Variants in CDK6 observed in about 807,000 individuals in gnomAD.
CDK6 encodes the protein cyclin dependent kinase 6.
Under a neutral mutation model 37.1 loss-of-function variants are expected in CDK6, and 6 were observed. The observed-to-expected ratio is 0.16, with a 90% CI of 0.09 to 0.32. CDK6 has a LOEUF of 0.32. CDK6 is among the 10% of genes least tolerant of loss of function. The probability of loss-of-function intolerance (pLI) is 1.00; values close to 1 mark genes in which losing one functional copy is unlikely to be tolerated. For missense variants in CDK6, 224 were observed against 418.9 expected (o/e 0.53, Z 4.06); for synonymous variants, 160 against 161.3 (o/e 0.99, Z 0.06).
At chr7:92,725,168 T>C in intron 4 of CDK6, 10 of 985,420 alleles carry the variant, frequency 1.0e-5, no homozygotes, top group Non-Finnish European at 1.2e-5. Context: ...TGATTTCTTC[T>C]TTACAGCTGG....
At chr7:92,658,760 A>T (rs1487513305) in intron 5 of CDK6, among the ~76,000 whole-genome samples, 2 of 152,116 alleles carry the variant, frequency 1.3e-5, no homozygotes, top group South Asian at 2.1e-4. Context: ...TTTCGTTTAA[A>T]TTTTTTTAAA....
Position 92,835,816 on chromosome 7 carries a change from C to T in CDK6, c.-368+662G>A, listed in dbSNP as rs899971723. ...GGGACCAGGGCTGCTCACTGCGGGG[C>T]GTGTGTTTAACTCCAATATTTTAAA... On this transcript the variant is annotated intron_variant, in intron 1 of 7. Coordinates refer to ENST00000424848, the MANE Select transcript of CDK6 (RefSeq NM_001145306.2). This position sits in a 1 kb window ranked among gnomAD's most constrained non-coding sequence, Gnocchi z 4.2. 6.6e-6 allele frequency among the ~76,000 whole-genome samples: 1 copy of T among 152,216 alleles called. No individual in the cohort carries two copies. The highest frequency in any genetic ancestry group is 2.4e-5 in the African/African-American group (1 of 41,458).
intron 3 of CDK6, among the ~76,000 whole-genome samples, chr7:92,739,083 C>G (rs1025898401): frequency 6.6e-6 from 1 of 152,218 alleles, no homozygotes; most frequent in African/African-American, 2.4e-5. Flanking sequence ...GCTTTCGGTA[C>G]TGCCTTCTCT....
intron 4 of CDK6, among the ~76,000 whole-genome samples, chr7:92,693,737 A>G (rs1370804534): frequency 6.6e-6 from 1 of 152,212 alleles, no homozygotes; most frequent in Non-Finnish European, 1.5e-5. Flanking sequence ...CTCTGTGAAT[A>G]GCTTTGGTCA....
At chr7:92,729,136 G>A (rs1183429523) in intron 3 of CDK6, among the ~76,000 whole-genome samples, 1 of 152,158 alleles carries the variant, frequency 6.6e-6, no homozygotes, top group African/African-American at 2.4e-5. Context: ...CTTTCCTACA[G>A]AATCACAAGA....
chr7:92,777,243 T>C (rs1387656312), intron 2 of CDK6, among the ~76,000 whole-genome samples: 1 of 152,166 alleles, frequency 6.6e-6, no homozygotes, highest in Non-Finnish European at 1.5e-5. Context: ...TGTTTTTTTT[T>C]CCTTTTTGTG....
intron 4 of CDK6, among the ~76,000 whole-genome samples, chr7:92,714,389 T>C (rs1023030180): frequency 6.6e-6 from 1 of 151,900 alleles, no homozygotes; most frequent in Non-Finnish European, 1.5e-5. Flanking sequence ...TGGAGATGGG[T>C]TTGGTGTGGG....
intron 4 of CDK6, among the ~76,000 whole-genome samples, chr7:92,711,108 G>C (rs1210938267): frequency 1.3e-5 from 2 of 152,152 alleles, no homozygotes; most frequent in Non-Finnish European, 2.9e-5. Context: ...TGTCCTGGTA[G>C]TACCATTTCT....
Position 92,605,443 on chromosome 7 carries a change from C to G in CDK6, c.*9697G>C, listed in dbSNP as rs531807658. 4.3e-6 allele frequency: 1 copy of G among 233,152 alleles called. No individual in the cohort carries two copies. Among genetic ancestry groups the G allele is most frequent in the African/African-American group, 2.2e-5 (1 of 45,474 alleles). 14.4% of individuals were successfully genotyped at this position (233,152 alleles called of 1,614,324 possible). On this transcript the variant is annotated 3_prime_UTR_variant, in exon 8 of 8. Coordinates refer to ENST00000424848, the MANE Select transcript of CDK6 (RefSeq NM_001145306.2). ...CACAAAGCATCCCTTACTTGAGCTA[C>G]TTTTAAAACCAGATTTTTAATGATA...
Position 92,608,730 on chromosome 7 carries a change from C to T in CDK6, c.*6410G>A, listed in dbSNP as rs921422660. ...GGGACATTTTTCTTCCTAAGATTTG[C>T]AGAACAGATGCCTCTGAGACAGCAG... On this transcript the variant is annotated 3_prime_UTR_variant, in exon 8 of 8. Coordinates refer to ENST00000424848, the MANE Select transcript of CDK6 (RefSeq NM_001145306.2). 4 of 230,352 alleles carry T rather than the reference C, an allele frequency of 1.7e-5. No homozygotes were observed. The highest frequency in any genetic ancestry group is 3.4e-5 in the Non-Finnish European group (4 of 116,304). The allele number at this position is 230,352 out of a possible 1,614,324, so 14.3% of individuals were successfully genotyped here.
Position 92,810,937 on chromosome 7 carries a change from G to A in CDK6, c.233+22154C>T, listed in dbSNP as rs112458106. Among the ~76,000 whole-genome samples, 242 of 152,110 alleles carry A rather than the reference G, an allele frequency of 1.6e-3. 2 individuals are homozygous for A. Among genetic ancestry groups the A allele is most frequent in the African/African-American group, 5.5e-3 (230 of 41,484 alleles). ...AACAATTAGCTGGGCATGGTGGTGCGTGCCTGTAGTCCCAGCTACTCAGGA... is the reference window on the plus strand; with the variant it reads ...AACAATTAGCTGGGCATGGTGGTGCATGCCTGTAGTCCCAGCTACTCAGGA... On this transcript the variant is annotated intron_variant, in intron 2 of 7. Coordinates refer to ENST00000424848, the MANE Select transcript of CDK6 (RefSeq NM_001145306.2).
chr7:92,687,474 GCAAAT>G (rs1258836287), intron 4 of CDK6, among the ~76,000 whole-genome samples: 2 of 152,134 alleles, frequency 1.3e-5, no homozygotes, highest in Non-Finnish European at 2.9e-5. Context: ...GTCCAAAGCA[GCAAAT>G]CAAAACAAGG....
At chr7:92,778,466 C>T (rs532034873) in intron 2 of CDK6, among the ~76,000 whole-genome samples, 2 of 152,260 alleles carry the variant, frequency 1.3e-5, no homozygotes, top group East Asian at 3.9e-4. Context: ...AAGTCTCACA[C>T]TCTAAAAATA....
rs1289362418 is a variant in CDK6 at position 92,606,077 on chromosome 7, A to AT, written c.*9062dup. On this transcript the variant is annotated 3_prime_UTR_variant, in exon 8 of 8. Transcript: ENST00000424848. ...GCACCTTTAAGGAACATGCACCCTT[A>AT]TAAGTCTGTACCCTGATATGAAAAT... 4.3e-6 allele frequency: 1 copy of AT among 233,566 alleles called. No homozygotes were observed. Among genetic ancestry groups the AT allele is most frequent in the African/African-American group, 2.2e-5 (1 of 45,350 alleles). The allele number at this position is 233,566 out of a possible 1,614,324, so 14.5% of individuals were successfully genotyped here.
intron 6 of CDK6, 87 bp downstream of exon 6, chr7:92,622,949 T>A (rs1160634377): frequency 2.5e-6 from 2 of 799,100 alleles, no homozygotes; most frequent in African/African-American, 3.5e-5. Context: ...AGACAAGAGA[T>A]AAACACATGA....
chr7:92,648,203 AGCTACT>A (rs1796494317), intron 5 of CDK6, among the ~76,000 whole-genome samples: 1 of 152,258 alleles, frequency 6.6e-6, no homozygotes, highest in East Asian at 1.9e-4. Context: ...CTGATACTGT[AGCTACT>A]GCTATTGCTG....
chr7:92,753,212 C>G (rs1201627289), intron 3 of CDK6, among the ~76,000 whole-genome samples: 1 of 152,034 alleles, frequency 6.6e-6, no homozygotes, highest in Admixed American at 6.6e-5. Context: ...AATTCAATTA[C>G]TGATGATCCC....
intron 3 of CDK6, among the ~76,000 whole-genome samples, chr7:92,737,120 T>C (rs541816297): frequency 2.2e-4 from 34 of 152,244 alleles, no homozygotes; most frequent in African/African-American, 7.7e-4. Flanking sequence ...ACCTCCCAGT[T>C]TGGGTAAACA....
chr7:92,774,970 G>A, intron 2 of CDK6, 139 bp from the exon 3 acceptor site: 1 of 711,854 alleles, frequency 1.4e-6, no homozygotes, highest in Non-Finnish European at 2.2e-6. Flanking sequence ...CATATGTAAA[G>A]ATATCAAATG....
Sources: allele counts gnomAD v4.1 joint callset (sites outside exome capture counted in the v4.1 genomes callset), GRCh38; gene constraint gnomAD v4.1.1; non-coding constraint Gnocchi (gnomAD v3.1); transcripts MANE v1.5; gene names NCBI Gene and HGNC (gene_info 2026-07-23, HGNC 2026-07-21).